The following SGCZ variants were observed in gnomAD, a reference collection of about 807,000 sequenced individuals.
The protein encoded by SGCZ is sarcoglycan zeta.
In SGCZ, 40 loss-of-function variants were observed where a neutral mutation model predicts 41.3. That is an observed-to-expected ratio of 0.97 (90% CI 0.75 to 1.26). The LOEUF is 1.26. Among genes scored for constraint, SGCZ ranks in the 50% most tolerant of loss-of-function variants. The probability of loss-of-function intolerance (pLI) is 0.00; values close to 1 mark genes in which losing one functional copy is unlikely to be tolerated. For missense variants in SGCZ, 552 were observed against 369.8 expected (o/e 1.49, Z -4.04); for synonymous variants, 206 against 137.5 (o/e 1.50, Z -3.49).
chr8:14,462,253 T>C (rs1246921193), intron 2 of SGCZ, among the ~76,000 whole-genome samples: 1 of 151,470 alleles, frequency 6.6e-6, no homozygotes, highest in Non-Finnish European at 1.5e-5. Flanking sequence ...CTATACTAAA[T>C]GGAAAAAACA....
intron 4 of SGCZ, among the ~76,000 whole-genome samples, chr8:14,167,479 C>A (rs969222799): frequency 6.6e-6 from 1 of 151,988 alleles, no homozygotes; most frequent in Non-Finnish European, 1.5e-5. Flanking sequence ...CACCAACTTG[C>A]TAACTAAAGT....
chr8:14,643,828 GAAACC>G (rs1424532014), intron 1 of SGCZ, among the ~76,000 whole-genome samples: 1 of 151,674 alleles, frequency 6.6e-6, no homozygotes, highest in Non-Finnish European at 1.5e-5. Flanking sequence ...ATGAGTCACA[GAAACC>G]CTCTTTTCAC....
chr8:14,420,347 T>G (rs1799605915), intron 2 of SGCZ, among the ~76,000 whole-genome samples: 1 of 152,084 alleles, frequency 6.6e-6, no homozygotes, highest in Non-Finnish European at 1.5e-5. Flanking sequence ...TAATTATTGC[T>G]ATTCACAATT....
At chr8:14,257,084 A>G (rs1372008961) in intron 3 of SGCZ, among the ~76,000 whole-genome samples, 1 of 152,134 alleles carries the variant, frequency 6.6e-6, no homozygotes, top group Non-Finnish European at 1.5e-5. Context: ...TAATCCTAGC[A>G]CTAGAAGGCC....
intron 4 of SGCZ, among the ~76,000 whole-genome samples, chr8:14,185,493 A>T (rs922020796): frequency 1.3e-5 from 2 of 152,096 alleles, no homozygotes; most frequent in Admixed American, 1.3e-4. Context: ...TATCTACCAT[A>T]TACTTTATTT....
chr8:14,599,621 C>T (rs1438510077), intron 1 of SGCZ, among the ~76,000 whole-genome samples: 1 of 152,150 alleles, frequency 6.6e-6, no homozygotes, highest in Non-Finnish European at 1.5e-5. Context: ...AATGGCTTCT[C>T]ATCTTTCCCT....
At chr8:14,776,112 T>C (rs529475293) in intron 1 of SGCZ, among the ~76,000 whole-genome samples, 14 of 152,332 alleles carry the variant, frequency 9.2e-5, no homozygotes, top group African/African-American at 2.9e-4. Flanking sequence ...AACTCTTAAT[T>C]CTTATTTTAT....
At chr8:14,120,526 A>G (rs545137309) in intron 5 of SGCZ, among the ~76,000 whole-genome samples, 1 of 152,048 alleles carries the variant, frequency 6.6e-6, no homozygotes, top group Admixed American at 6.6e-5. Flanking sequence ...CTTTAATTCA[A>G]CTCTATACTA....
chr8:14,371,819 A>T (rs1349122781), intron 2 of SGCZ, among the ~76,000 whole-genome samples: 2 of 152,166 alleles, frequency 1.3e-5, no homozygotes, highest in African/African-American at 2.4e-5. Flanking sequence ...TGTTGTACAC[A>T]TGTATAAATA....
At chr8:14,423,772 T>TC (rs1324192089) in intron 2 of SGCZ, among the ~76,000 whole-genome samples, 1 of 152,162 alleles carries the variant, frequency 6.6e-6, no homozygotes, top group Non-Finnish European at 1.5e-5. Context: ...CTTCCTTCCG[T>TC]CCCCCCATCT....
chr8:14,305,937 G>GTCTC (rs1469675050), intron 3 of SGCZ, among the ~76,000 whole-genome samples: 1 of 152,170 alleles, frequency 6.6e-6, no homozygotes, highest in Non-Finnish European at 1.5e-5. Flanking sequence ...CCTCCTACTG[G>GTCTC]ATGAGACCAC....
chr8:15,072,238 G>A (rs1805381204), intron 1 of SGCZ, among the ~76,000 whole-genome samples: 1 of 152,024 alleles, frequency 6.6e-6, no homozygotes, highest in African/African-American at 2.4e-5. Flanking sequence ...TAGGAAGTGT[G>A]CCTTTAGGTA....
intron 1 of SGCZ, among the ~76,000 whole-genome samples, chr8:15,216,852 G>A (rs1003419606): frequency 6.6e-6 from 1 of 152,092 alleles, no homozygotes; most frequent in Non-Finnish European, 1.5e-5. Context: ...CACTTCTTGA[G>A]CTATTTCCTT....
chr8:14,197,877 C>T (rs1036356206), intron 4 of SGCZ, among the ~76,000 whole-genome samples: 15 of 151,910 alleles, frequency 9.9e-5, no homozygotes, highest in African/African-American at 3.6e-4. Context: ...TTTCTATTCT[C>T]AGATGACCTG....
chr8:14,650,430 T>TACAG (rs1807359888), intron 1 of SGCZ, among the ~76,000 whole-genome samples: 2 of 152,056 alleles, frequency 1.3e-5, no homozygotes, highest in Non-Finnish European at 2.9e-5. Context: ...GGGTTTGTTG[T>TACAG]ACAGATTGTT....
intron 4 of SGCZ, among the ~76,000 whole-genome samples, chr8:14,233,595 T>TAG (rs1173775569): frequency 3.0e-5 from 3 of 99,110 alleles, no homozygotes; most frequent in East Asian, 3.0e-4. Flanking sequence ...ATATAAAATA[T>TAG]AGATATATAT....
intron 1 of SGCZ, among the ~76,000 whole-genome samples, chr8:14,989,657 A>G (rs966479736): frequency 4.6e-5 from 7 of 152,158 alleles, no homozygotes; most frequent in African/African-American, 1.7e-4. Flanking sequence ...TAAACTAATC[A>G]TATGTCAGTA....
chr8:14,999,010 A>G (rs1388513316), intron 1 of SGCZ, among the ~76,000 whole-genome samples: 1 of 152,226 alleles, frequency 6.6e-6, no homozygotes, highest in Non-Finnish European at 1.5e-5. Context: ...TATCTAGTGA[A>G]TAGTTTACCC....
intron 1 of SGCZ, among the ~76,000 whole-genome samples, chr8:15,174,901 G>C (rs144440834): frequency 6.6e-6 from 1 of 152,192 alleles, no homozygotes; most frequent in Non-Finnish European, 1.5e-5. Context: ...GTTGGGAGGA[G>C]TGTAAATTAA....
Sources: allele counts gnomAD v4.1 joint callset (sites outside exome capture counted in the v4.1 genomes callset), GRCh38; gene constraint gnomAD v4.1.1; transcripts MANE v1.5; gene names NCBI Gene and HGNC (gene_info 2026-07-23, HGNC 2026-07-21).